Variants in TMEM165 observed in about 807,000 individuals in gnomAD.
TMEM165 encodes the protein transmembrane protein 165.
Under a neutral mutation model 30.0 loss-of-function variants are expected in TMEM165, and 19 were observed. The ratio of observed to expected loss-of-function variants is 0.63; its 90% CI spans 0.44 to 0.93. The LOEUF (loss-of-function observed/expected upper bound fraction) is 0.93, where lower values mean the gene tolerates loss of function less well. Ranked by LOEUF, TMEM165 falls within the 40% of genes least tolerant of loss-of-function variation. The pLI is 0.00. For missense variants in TMEM165, 340 were observed against 417.0 expected, an observed-to-expected ratio of 0.82 and a Z score of 1.61; for synonymous variants, 168 against 162.9, an observed-to-expected ratio of 1.03 and a Z score of -0.24.
intron 3 of TMEM165, chr4:55,443,889 A>C: frequency 6.2e-7 from 1 of 1,612,048 alleles, no homozygotes; most frequent in African/African-American, 1.3e-5. Flanking sequence ...TGATTGTTGC[A>C]AAAACATCTT....
chr4:55,442,457 T>C (rs1277363021), intron 3 of TMEM165: 11 of 1,609,058 alleles, frequency 6.8e-6, no homozygotes, highest in South Asian at 2.2e-5. Flanking sequence ...TGAGTGAATG[T>C]AGTTACTGCA....
intron 1 of TMEM165, among the ~76,000 whole-genome samples, chr4:55,405,149 C>T (rs1243285417): frequency 2.6e-5 from 4 of 152,122 alleles, no homozygotes; most frequent in Non-Finnish European, 1.5e-5. Flanking sequence ...ATCTCATCTA[C>T]TTGCAGAGCT....
intron 3 of TMEM165, among the ~76,000 whole-genome samples, chr4:55,448,587 C>T (rs1335675916): frequency 4.0e-5 from 3 of 74,928 alleles, no homozygotes; most frequent in Non-Finnish European, 8.2e-5. Context: ...TATATGTGCG[C>T]GCGCGCACGC....
chr4:55,400,401 ATAAT>A (rs1720948333), intron 1 of TMEM165, among the ~76,000 whole-genome samples: 4 of 127,846 alleles, frequency 3.1e-5, no homozygotes, highest in African/African-American at 8.8e-5. Context: ...TAATATTAAT[ATAAT>A]TAATATATTT....
At chr4:55,414,269 C>G (rs75831930) in intron 2 of TMEM165, among the ~76,000 whole-genome samples, 1 of 92,484 alleles carries the variant, frequency 1.1e-5, no homozygotes, top group South Asian at 4.7e-4. Flanking sequence ...GACTCCGTCT[C>G]AAAAAAAAAA....
intron 3 of TMEM165, chr4:55,449,610 C>T: frequency 1.1e-6 from 1 of 893,468 alleles, no homozygotes; most frequent in African/African-American, 1.7e-5. Flanking sequence ...TTTTTCCAAA[C>T]CATTCAATGA....
intron 3 of TMEM165, chr4:55,444,554 T>G: frequency 6.4e-7 from 1 of 1,566,762 alleles, no homozygotes; most frequent in Non-Finnish European, 8.8e-7. Flanking sequence ...CATCTCACTT[T>G]TAATTAAGAA....
At chr4:55,436,509 T>G (rs1722887345) in intron 3 of TMEM165, among the ~76,000 whole-genome samples, 1 of 152,232 alleles carries the variant, frequency 6.6e-6, no homozygotes, top group Admixed American at 6.5e-5. Context: ...ATGAAAGTCC[T>G]TTCCCCATTA....
At chr4:55,442,691 G>T (rs1723469848) in intron 3 of TMEM165, 1 of 1,418,044 alleles carries the variant, frequency 7.1e-7, no homozygotes, top group Non-Finnish European at 9.8e-7. Flanking sequence ...TATTTGGGAA[G>T]TATGCTAGAA....
In TMEM165 at chr4:55,396,384, G is replaced by C; in HGVS notation, c.195G>C (p.Pro65=). The change falls in exon 1 of 6, where the codon CCG becomes CCC. Residue 65 remains proline (P), a synonymous_variant. Transcript: ENST00000381334. ...CTGTGGCTGTGCAGGGCCCCGAGCC[G>C]GCCCGGGTCGAGGTGAGCGGGCCGG... ...PQPVAVQGPE[P]ARVEKIFTPA... The C allele has an allele frequency of 1.3e-6, 2 of 1,489,754 alleles. No individual in the cohort carries two copies. 92.3% of individuals were successfully genotyped at this position (1,489,754 alleles called of 1,614,324 possible). A position where few individuals can be genotyped will look rare whatever the true frequency, so the allele number is the denominator to read the frequency against.
intron 1 of TMEM165, chr4:55,397,537 C>G (rs1720774463): frequency 6.6e-6 from 1 of 152,056 alleles, no homozygotes; most frequent in Non-Finnish European, 1.5e-5. Context: ...CGGATCAACT[C>G]TTCCCACCTT....
intron 2 of TMEM165, among the ~76,000 whole-genome samples, chr4:55,414,992 G>A (rs1038515849): frequency 5.3e-5 from 8 of 152,148 alleles, no homozygotes; most frequent in Admixed American, 5.2e-4. Context: ...TTTCTGTGTT[G>A]TCTTCCCTTG....
At chr4:55,410,521 G>A (rs1416043841) in intron 1 of TMEM165, among the ~76,000 whole-genome samples, 2 of 152,028 alleles carry the variant, frequency 1.3e-5, no homozygotes, top group Non-Finnish European at 2.9e-5. Context: ...CAATTCTCCC[G>A]TCTCAGCCTC....
chr4:55,417,769 G>C (rs751152729), intron 3 of TMEM165, 34 bp from the exon 4 acceptor site: 17 of 1,515,476 alleles, frequency 1.1e-5, no homozygotes, highest in Non-Finnish European at 1.4e-5. Flanking sequence ...TTTGCTTCCT[G>C]TGCTTACTTT....
In TMEM165 at chr4:55,411,698, G is replaced by T. The variant is rs779951413; in HGVS notation, c.292G>T (p.Val98Phe). ...TAATTTGGGATTTATCCATGCATTT[G>T]TCGCTGCCATATCAGTTATTATTGT... ...QTNLGFIHAF[V>F]AAISVIIVSE... Residue 98 changes from valine (V) to phenylalanine (F), a missense_variant, in exon 2 of 6, where the codon GTC becomes TTC. Val to Phe is a conservative substitution (Grantham distance 50). Around this residue, in one of 2 missense-constraint regions of TMEM165, gnomAD observed 220 missense variants for 307.6 expected, o/e 0.72. Coordinates refer to ENST00000381334, the MANE Select transcript of TMEM165 (RefSeq NM_018475.5). 6.2e-7 allele frequency: 1 copy of T among 1,614,060 alleles called. No homozygotes were observed.
chr4:55,404,613 T>A (rs1337006948), intron 1 of TMEM165, among the ~76,000 whole-genome samples: 2 of 151,982 alleles, frequency 1.3e-5, no homozygotes, highest in African/African-American at 4.8e-5. Flanking sequence ...TTTATTTTTT[T>A]TTTTTGTGGA....
chr4:55,436,744 TTATAAGATTACA>T (rs1366305378), intron 3 of TMEM165, among the ~76,000 whole-genome samples: 1 of 152,204 alleles, frequency 6.6e-6, no homozygotes, highest in Non-Finnish European at 1.5e-5. Flanking sequence ...CTTATGAGCC[TTATAAGATTACA>T]ACAGGAGCAT....
At chr4:55,444,908 T>C in intron 3 of TMEM165, 6 of 981,838 alleles carry the variant, frequency 6.1e-6, no homozygotes, top group Non-Finnish European at 9.3e-6. Context: ...TCACTAGTTA[T>C]GTCCCTTAGT....
intron 3 of TMEM165, chr4:55,435,075 A>G: frequency 2.9e-6 from 1 of 345,000 alleles, no homozygotes; most frequent in Non-Finnish European, 5.7e-6. Context: ...ACTAAAAGTT[A>G]CTAACATCAT....
Sources: allele counts gnomAD v4.1 joint callset (sites outside exome capture counted in the v4.1 genomes callset), GRCh38; gene constraint gnomAD v4.1.1; regional missense constraint gnomAD v4.1.1; transcripts MANE v1.5; gene names NCBI Gene and HGNC (gene_info 2026-07-23, HGNC 2026-07-21).